Variants in MINDY1 observed in about 807,000 individuals in gnomAD.
MINDY1 encodes ubiquitin carboxyl-terminal hydrolase MINDY-1.
A neutral mutation model predicts 53.6 loss-of-function variants in MINDY1; 50 were observed. That is an observed-to-expected ratio of 0.93 (90% confidence interval 0.74 to 1.18). The LOEUF is 1.18. MINDY1 is among the 50% of genes most tolerant of loss of function. The probability of loss-of-function intolerance (pLI) is 0.00; values close to 1 mark genes in which losing one functional copy is unlikely to be tolerated. For synonymous variants in MINDY1, 231 were observed against 234.7 expected, an observed-to-expected ratio of 0.98 and a Z score of 0.14; for missense variants, 484 against 578.6, an observed-to-expected ratio of 0.84 and a Z score of 1.68.
chr1:151,001,115 C>A, intron 4 of MINDY1, 135 bp downstream of exon 4: 1 of 912,932 alleles, frequency 1.1e-6, no homozygotes, highest in Non-Finnish European at 1.7e-6. Context: ...CAAAGATAAA[C>A]TCTCCTCTGA....
intron 1 of MINDY1, among the ~76,000 whole-genome samples, chr1:151,004,802 GA>G (rs916235695): frequency 6.6e-6 from 1 of 151,786 alleles, no homozygotes; most frequent in African/African-American, 2.4e-5. Flanking sequence ...AAACTAGTTA[GA>G]AATCTTGTCT....
At chr1:150,998,996 C>A (rs757733060) in intron 7 of MINDY1, among the ~76,000 whole-genome samples, 9 of 152,180 alleles carry the variant, frequency 5.9e-5, no homozygotes, top group Non-Finnish European at 1.3e-4. Context: ...CCTGTCCCAT[C>A]GACGGCAGGC....
chr1:151,002,416 A>T lies in MINDY1; in HGVS notation c.202T>A (p.Ser68Thr), dbSNP rs962401679. 1 of 1,613,908 alleles carries T rather than the reference A, an allele frequency of 6.2e-7. No homozygotes were observed. The highest frequency in any genetic ancestry group is 8.5e-7 in the Non-Finnish European group (1 of 1,179,986). The change falls in exon 2 of 10, where the codon TCC (serine) becomes ACC (threonine). Residue 68 changes from serine (S) to threonine (T), a missense_variant. Coordinates refer to ENST00000683666, the MANE Select transcript of MINDY1 (RefSeq NM_001376665.1). The surrounding 1 kb of genome is among the most constrained non-coding windows in gnomAD (Gnocchi z 4.1). ...GCTGAGCTAGCTTCAGGCAGAGGGG[A>T]CTCAAGGTTGTCCCCACACTGGCTA... is the stretch of plus-strand genomic sequence containing the variant. ...LPSQCGDNLESPLPEASSAPP... is the reference protein window; with the variant it reads ...LPSQCGDNLETPLPEASSAPP...
chr1:150,999,263 G>C lies in MINDY1; in HGVS notation c.981+106C>G. 1 of 1,482,872 alleles carries C rather than the reference G, an allele frequency of 6.7e-7. No homozygotes were observed. The highest frequency in any genetic ancestry group is 1.2e-5 in the South Asian group (1 of 80,520). 91.9% of individuals were successfully genotyped at this position (1,482,872 alleles called of 1,614,324 possible). On this transcript the variant is annotated intron_variant, in intron 7 of 9. Coordinates refer to ENST00000683666, the MANE Select transcript of MINDY1 (RefSeq NM_001376665.1). This position sits in a 1 kb window ranked among gnomAD's most constrained non-coding sequence, Gnocchi z 4.4. ...GTGGTAAACCACAGGGATTTGAGGG[G>C]TCACTTGCTACCACGGCTTAATCTA...
At chr1:151,001,998 T>A (rs1299561964) in intron 2 of MINDY1, among the ~76,000 whole-genome samples, 167 bp downstream of exon 2, 1 of 152,034 alleles carries the variant, frequency 6.6e-6, no homozygotes, top group African/African-American at 2.4e-5. Context: ...CTTTTTTTTT[T>A]TTCTTTGTTT....
Position 151,000,761 on chromosome 1 carries a change from C to T in MINDY1, c.577-146G>A, listed in dbSNP as rs587707380. ...CCATTTCTCCCTTGCCTCAACCCTT[C>T]TCTATCTTATATAAATGAACATTGT... On this transcript the variant is annotated intron_variant, in intron 4 of 9. Coordinates refer to ENST00000683666, the MANE Select transcript of MINDY1 (RefSeq NM_001376665.1). 230 of 843,150 alleles carry T rather than the reference C, an allele frequency of 2.7e-4. No individual in the cohort carries two copies. In the African/African-American group the frequency reaches 3.4e-3, roughly 12 times the overall value. 52.2% of individuals were successfully genotyped at this position (843,150 alleles called of 1,614,324 possible).
In MINDY1 at chr1:150,998,093, G is replaced by A. The variant is rs1230581822; in HGVS notation, c.1162C>T (p.Gln388Ter). ...AGTGCCCTACACACCTGGTCTACCTGCAGCTGCGTTTCTGGGGAGCCACTC... is the reference window on the plus strand; with the variant it reads ...AGTGCCCTACACACCTGGTCTACCTACAGCTGCGTTTCTGGGGAGCCACTC... The part of the protein sequence containing the change: ...GGSGSPETQL[Q>*]VDQDYLIALS... Residue 388 changes from glutamine to a stop codon, truncating the protein, a stop_gained, in exon 8 of 10, where the codon CAG becomes TAG. Coordinates refer to ENST00000683666, the MANE Select transcript of MINDY1 (RefSeq NM_001376665.1). LOFTEE classifies it high-confidence loss of function. 1.9e-6 allele frequency: 3 copies of A among 1,611,342 alleles called. No individual in the cohort carries two copies. The highest frequency in any genetic ancestry group is 1.7e-6 in the Non-Finnish European group (2 of 1,179,384).
At chr1:151,006,989 T>A, upstream of MINDY1, 2 of 695,358 alleles carry the variant, frequency 2.9e-6, no homozygotes, top group Non-Finnish European at 3.5e-6. Context: ...GGGCTCTCTC[T>A]CTGGGTATGG....
chr1:151,000,005 A>G (rs770745307), intron 5 of MINDY1, 41 bp from the exon 6 acceptor site: 1 of 1,491,478 alleles, frequency 6.7e-7, no homozygotes, highest in South Asian at 1.1e-5. Flanking sequence ...AAAAATTGGG[A>G]TTTTTTTTTC....
Position 150,997,310 on chromosome 1 carries a change from C to T in MINDY1, c.1387G>A (p.Glu463Lys), listed in dbSNP as rs761099204. ...AGERRQRPKH[E>K]SDCILL The stretch of plus-strand genomic sequence containing the variant: ...AGCTACAGCAGAATGCAGTCTGACT[C>T]GTGCTTCGGCCTCTGCCGACGCTCC... The change falls in exon 10 of 10, where the codon GAG (glutamate) becomes AAG (lysine). Residue 463 changes from glutamate to lysine, a missense_variant. By Grantham distance (56) the Glu-to-Lys change is moderately conservative (BLOSUM62 1). Coordinates refer to ENST00000683666, the MANE Select transcript of MINDY1 (RefSeq NM_001376665.1). The T allele has an allele frequency of 1.1e-5, 18 of 1,597,344 alleles. No individual in the cohort carries two copies. In the African/African-American group the frequency reaches 1.7e-4, roughly 15 times the overall value.
intron 1 of MINDY1, among the ~76,000 whole-genome samples, chr1:151,005,474 G>GAA (rs587751127): frequency 2.2e-5 from 3 of 135,334 alleles, no homozygotes; most frequent in African/African-American, 8.1e-5. Flanking sequence ...AAGAAAAAAA[G>GAA]AAAAAAAAAA....
At chr1:151,000,637 A>G (rs1317957329) in intron 4 of MINDY1, 22 bp from the exon 5 acceptor site, 6 of 1,597,224 alleles carry the variant, frequency 3.8e-6, no homozygotes, top group Admixed American at 1.8e-5. Flanking sequence ...AAAAAAAATG[A>G]TGGAGATTCT....
Position 151,003,971 on chromosome 1 carries a change from G to A in MINDY1, c.-89-1265C>T, listed in dbSNP as rs79470987. Among the ~76,000 whole-genome samples the A allele has an allele frequency of 9.6e-3, 1,454 of 152,064 alleles. 82 individuals are homozygous for A. The East Asian group carries it at 0.15, about 16-fold the overall frequency. ...GAGTTTTGCTCTTGTTGCCTAGGTT[G>A]GAGTGCAATGGTGCGACCTCGGCTC... On this transcript the variant is annotated intron_variant, in intron 1 of 9. Transcript: ENST00000683666.
rs150125634 is a variant in MINDY1 at position 151,001,477 on chromosome 1, G to C, written c.512-163C>G. Among the ~76,000 whole-genome samples the C allele has an allele frequency of 4.3e-3, 653 of 152,328 alleles. 1 individual carries two copies. The highest frequency in any genetic ancestry group is 0.015 in the African/African-American group (607 of 41,560). ...TCTTCATTTCTCAGAGGAGGCGACA[G>C]CCTCATAAAGGTGAACGGCCCACCC... On this transcript the variant is annotated intron_variant, in intron 3 of 9. Coordinates refer to ENST00000683666, the MANE Select transcript of MINDY1 (RefSeq NM_001376665.1).
upstream of MINDY1, among the ~76,000 whole-genome samples, chr1:151,007,411 G>A (rs1344544795): frequency 6.6e-6 from 1 of 152,224 alleles, no homozygotes; most frequent in Non-Finnish European, 1.5e-5. Flanking sequence ...GGCTGAGGCA[G>A]GAGAATCGCT....
intron 1 of MINDY1, among the ~76,000 whole-genome samples, chr1:151,005,861 G>A (rs1673137235): frequency 6.6e-6 from 1 of 152,184 alleles, no homozygotes; most frequent in East Asian, 1.9e-4. Flanking sequence ...GGTGAGTGAG[G>A]GAGTTAAAAT....
Position 151,002,602 on chromosome 1 carries a change from G to A in MINDY1, c.16C>T (p.Pro6Ser). 1 of 1,614,188 alleles carries A rather than the reference G, an allele frequency of 6.2e-7. No homozygotes were observed. Among genetic ancestry groups the A allele is most frequent in the Non-Finnish European group, 8.5e-7 (1 of 1,180,022 alleles). The change falls in exon 2 of 10, where the codon CCT becomes TCT. Residue 6 changes from proline to serine, a missense_variant. Physicochemically the swap from Pro to Ser is moderately conservative, Grantham distance 74. Transcript: ENST00000683666. The surrounding 1 kb of genome is among the most constrained non-coding windows in gnomAD (Gnocchi z 4.1). ...GCCTTACCAGGGGCTGGATCCTCAG[G>A]CTGATGGTATTCCATGGTCAAAAGG... MEYHQ[P>S]EDPAPGKAGT...
chr1:151,005,765 T>C (rs904501757), intron 1 of MINDY1, among the ~76,000 whole-genome samples: 1 of 152,080 alleles, frequency 6.6e-6, no homozygotes, highest in African/African-American at 2.4e-5. Flanking sequence ...AGGGAGAGGA[T>C]AGTCAGATAA....
At chr1:151,004,032 C>T (rs1672859730) in intron 1 of MINDY1, among the ~76,000 whole-genome samples, 1 of 152,126 alleles carries the variant, frequency 6.6e-6, no homozygotes, top group Admixed American at 6.5e-5. Context: ...AAGTGATTCT[C>T]CTGCCTCAGC....
Sources: gnomAD v4.1 joint callset for allele counts (sites outside exome capture counted in the v4.1 genomes callset) on GRCh38, gnomAD v4.1.1 for gene constraint, Gnocchi (gnomAD v3.1) non-coding constraint, MANE v1.5 for transcripts, NCBI Gene and HGNC (gene_info 2026-07-23, HGNC 2026-07-21) for gene names.